GPR19: variants seen among roughly 807,000 people sequenced by gnomAD.
GPR19 encodes the protein G protein-coupled receptor 19.
In GPR19, 14 loss-of-function variants were observed where a neutral mutation model predicts 28.5. The ratio of observed to expected loss-of-function variants is 0.49; its 90% CI spans 0.32 to 0.77. GPR19 has a LOEUF of 0.77. Among genes scored for constraint, GPR19 ranks in the 30% least tolerant of loss-of-function variants. The probability of loss-of-function intolerance (pLI) is 0.03; values close to 1 mark genes in which losing one functional copy is unlikely to be tolerated. For synonymous variants in GPR19, 173 were observed against 184.1 expected (o/e 0.94, Z 0.49); for missense variants, 409 against 504.1 (o/e 0.81, Z 1.81).
At chr12:12,671,365 A>G (rs1349067196) in intron 3 of GPR19, among the ~76,000 whole-genome samples, 1 of 151,960 alleles carries the variant, frequency 6.6e-6, no homozygotes, top group Non-Finnish European at 1.5e-5. Flanking sequence ...ACCTCACACC[A>G]ATGAAAACAG....
the GPR19 span, among the ~76,000 whole-genome samples, chr12:12,716,371 G>C: frequency 6.6e-6 from 1 of 152,310 alleles, no homozygotes; most frequent in African/African-American, 2.4e-5. Context: ...AGAGAGAAGG[G>C]TGGAGGAAGG....
At chr12:12,678,404 C>T (rs10492238) in intron 3 of GPR19, among the ~76,000 whole-genome samples, 6,725 of 152,154 alleles carry the variant, frequency 0.044, 211 homozygotes, top group East Asian at 0.2. Context: ...ATGCACGGTC[C>T]TGATATGCCA....
At chr12:12,689,345 G>T (rs974352973) in intron 2 of GPR19, among the ~76,000 whole-genome samples, 1 of 152,192 alleles carries the variant, frequency 6.6e-6, no homozygotes, top group Non-Finnish European at 1.5e-5. Flanking sequence ...AAACTTGAAA[G>T]TACCTCAGTG....
In GPR19 at chr12:12,661,950, T is replaced by C. The variant is rs1945681535; in HGVS notation, c.499A>G (p.Ile167Val). Residue 167 changes from isoleucine to valine, a missense_variant, in exon 4 of 4, where the codon ATC (isoleucine) becomes GTC (valine). Coordinates refer to ENST00000651487, the MANE Select transcript of GPR19 (RefSeq NM_006143.3). This position sits in a 1 kb window ranked among gnomAD's most constrained non-coding sequence, Gnocchi z 4.2. ...ACCTTGAAGCTCAGAGGATAGACGA[T>C]GGTGTAGAACCGGTCTATGCAGATG... ...LSICIDRFYTIVYPLSFKVSR... is the reference protein window; with the variant it reads ...LSICIDRFYTVVYPLSFKVSR... 4 of 1,614,242 alleles carry C rather than the reference T, an allele frequency of 2.5e-6. No individual in the cohort carries two copies. The highest frequency in any genetic ancestry group is 2.5e-6 in the Non-Finnish European group (3 of 1,180,044).
the GPR19 span, among the ~76,000 whole-genome samples, chr12:12,705,482 G>A: frequency 6.6e-6 from 1 of 152,068 alleles, no homozygotes; most frequent in Admixed American, 6.5e-5. Context: ...CTAATTATTT[G>A]CTAATTCTCT....
chr12:12,671,305 C>CAAAA (rs71061102), intron 3 of GPR19, among the ~76,000 whole-genome samples: 1 of 146,202 alleles, frequency 6.8e-6, no homozygotes, highest in Non-Finnish European at 1.5e-5. Context: ...GACTCCCTCT[C>CAAAA]AAAAAAAAAA....
intron 3 of GPR19, among the ~76,000 whole-genome samples, chr12:12,675,103 A>C (rs1337440786): frequency 1.3e-5 from 2 of 152,208 alleles, no homozygotes; most frequent in Admixed American, 1.3e-4. Flanking sequence ...GCCGTGTTCC[A>C]GGTCCTTAAC....
intron 3 of GPR19, among the ~76,000 whole-genome samples, chr12:12,664,266 G>A (rs1296248272): frequency 2.0e-5 from 3 of 152,110 alleles, no homozygotes; most frequent in East Asian, 3.9e-4. Context: ...CTGGGATTAC[G>A]GGTGTAGCAA....
At chr12:12,678,312 C>T in intron 3 of GPR19, among the ~76,000 whole-genome samples, 1 of 131,660 alleles carries the variant, frequency 7.6e-6, no homozygotes, top group African/African-American at 2.6e-5. Flanking sequence ...TTTAAAAAAA[C>T]CAATGATTAT....
Position 12,683,005 on chromosome 12 carries a change from T to C in GPR19, c.-23+1346A>G, listed in dbSNP as rs1049998471. On this transcript the variant is annotated intron_variant, in intron 3 of 3. Coordinates refer to ENST00000651487, the MANE Select transcript of GPR19 (RefSeq NM_006143.3). ...TTTATATACATAGTTTTAGAAGTTT[T>C]TAATCTATTTTATTTTGAGAACTAG... Among the ~76,000 whole-genome samples, 7 of 152,356 alleles carry C rather than the reference T, an allele frequency of 4.6e-5. No homozygotes were observed. In the East Asian group the frequency reaches 1.3e-3, roughly 29 times the overall value.
chr12:12,703,597 A>G, the GPR19 span: 1 of 168,348 alleles, frequency 5.9e-6, no homozygotes. Context: ...TTCTTACTGT[A>G]CTTCCTAGTT....
chr12:12,661,107 G>A lies in GPR19; in HGVS notation c.*94C>T. The A allele has an allele frequency of 1.2e-6, 1 of 846,926 alleles. No individual in the cohort carries two copies. Among genetic ancestry groups the A allele is most frequent in the Non-Finnish European group, 1.8e-6 (1 of 563,766 alleles). 52.5% of individuals were successfully genotyped at this position (846,926 alleles called of 1,614,324 possible). On this transcript the variant is annotated 3_prime_UTR_variant, in exon 4 of 4. Coordinates refer to ENST00000651487, the MANE Select transcript of GPR19 (RefSeq NM_006143.3). The surrounding 1 kb of genome is among the most constrained non-coding windows in gnomAD (Gnocchi z 4.2). Reference sequence around the variant, plus strand: ...TTTTACAAAATAAAACATTTCCCTTGGAAAGTTGAGTGAAAACAAATATGT... The same window carrying A: ...TTTTACAAAATAAAACATTTCCCTTAGAAAGTTGAGTGAAAACAAATATGT...
At chr12:12,686,394 A>C (rs1946098537) in intron 2 of GPR19, among the ~76,000 whole-genome samples, 1 of 152,224 alleles carries the variant, frequency 6.6e-6, no homozygotes, top group Non-Finnish European at 1.5e-5. Context: ...TTTTAAGAAA[A>C]TTCATTTATC....
chr12:12,683,908 A>G (rs6488544), intron 3 of GPR19, among the ~76,000 whole-genome samples: 149,838 of 152,238 alleles, frequency 0.98, 73,781 homozygotes, highest in East Asian at 1. Context: ...GAAGATGATC[A>G]CACAGCACAA....
At chr12:12,685,373 G>T (rs759261487) in intron 2 of GPR19, among the ~76,000 whole-genome samples, 32 of 151,836 alleles carry the variant, frequency 2.1e-4, no homozygotes, top group Non-Finnish European at 4.1e-4. Context: ...AGGAATTCTG[G>T]GGTGTACAAG....
chr12:12,696,673 C>A (rs1946267238), upstream of GPR19, among the ~76,000 whole-genome samples: 1 of 152,266 alleles, frequency 6.6e-6, no homozygotes, highest in African/African-American at 2.4e-5. Flanking sequence ...AGGTTACCGT[C>A]CTGTTGCCAT....
chr12:12,692,844 AC>A (rs1946206201), intron 2 of GPR19, among the ~76,000 whole-genome samples: 2 of 152,066 alleles, frequency 1.3e-5, no homozygotes, highest in African/African-American at 4.8e-5. Context: ...GCTCACTCTA[AC>A]CCATAAAAAC....
chr12:12,671,511 T>TA (rs1181861288), intron 3 of GPR19, among the ~76,000 whole-genome samples: 1 of 152,166 alleles, frequency 6.6e-6, no homozygotes, highest in East Asian at 1.9e-4. Context: ...TCTGTACCTT[T>TA]CAAACTGTTT....
rs112099341 is a variant in GPR19, at chr12:12,665,750, C to T, written c.-22-3280G>A. Among the ~76,000 whole-genome samples the T allele has an allele frequency of 7.6e-3, 958 of 126,472 alleles. 6 individuals are homozygous for T. Among genetic ancestry groups the T allele is most frequent in the African/African-American group, 0.027 (905 of 33,258 alleles). The allele number at this position is 126,472 out of a possible 152,430, so 83.0% of individuals were successfully genotyped here. On this transcript the variant is annotated intron_variant, in intron 3 of 3. Transcript: ENST00000651487. ...TATCCGGGAGGCTGAGGCAGGAGAACGGCGTGAACCCGGGAGGCGGAGCTT... is the reference window on the plus strand; with the variant it reads ...TATCCGGGAGGCTGAGGCAGGAGAATGGCGTGAACCCGGGAGGCGGAGCTT...
Sources: allele counts gnomAD v4.1 joint callset (sites outside exome capture counted in the v4.1 genomes callset), GRCh38; gene constraint gnomAD v4.1.1; non-coding constraint Gnocchi (gnomAD v3.1); transcripts MANE v1.5; gene names NCBI Gene and HGNC (gene_info 2026-07-23, HGNC 2026-07-21).